The following ZMIZ1 variants were observed in gnomAD, a reference collection of about 807,000 sequenced individuals.
ZMIZ1 encodes the protein zinc finger MIZ-type containing 1.
In ZMIZ1, 17 loss-of-function variants were observed where a neutral mutation model predicts 113.9. The ratio of observed to expected loss-of-function variants is 0.15; its 90% CI spans 0.10 to 0.22. The LOEUF (loss-of-function observed/expected upper bound fraction) is 0.22. Ranked by LOEUF, ZMIZ1 falls within the 10% of genes least tolerant of loss-of-function variation. The pLI is 1.00. For missense variants in ZMIZ1, 1,059 were observed against 1,477.8 expected (o/e 0.72, Z 4.65); for synonymous variants, 607 against 603.1 (o/e 1.01, Z -0.09).
At chr10:79,072,499 T>A (rs1316904093) in intron 1 of ZMIZ1, among the ~76,000 whole-genome samples, 2 of 152,232 alleles carry the variant, frequency 1.3e-5, no homozygotes, top group East Asian at 3.9e-4. Flanking sequence ...TGAGGCCTGC[T>A]GCATCCTGAG....
Position 79,296,223 on chromosome 10 carries a change from A to C in ZMIZ1, c.1231-248A>C. ...CAAGAGGCTCTGAAAGTGTCCCTGG[A>C]GTTCAGGGGCACATGTGCTCCAGGA... On this transcript the variant is annotated intron_variant, in intron 12 of 24. Transcript: ENST00000334512. This position sits in a 1 kb window ranked among gnomAD's most constrained non-coding sequence, Gnocchi z 4.1. 1 of 564,280 alleles carries C rather than the reference A, an allele frequency of 1.8e-6. No individual in the cohort carries two copies. Among genetic ancestry groups the C allele is most frequent in the Non-Finnish European group, 3.2e-6 (1 of 315,322 alleles). 35.0% of individuals were successfully genotyped at this position (564,280 alleles called of 1,614,324 possible).
In ZMIZ1 at chr10:79,311,189, G is replaced by A; in HGVS notation, c.3096+5G>A. On this transcript the variant is annotated splice_donor_5th_base_variant and intron_variant, in intron 24 of 24. Transcript: ENST00000334512. Reference sequence around the variant, plus strand: ...ATGCCGGAGCCTTCGCTGGATGTAAGTTGGGGTCGCCACTCGCCTTGGCCT... The same window carrying A: ...ATGCCGGAGCCTTCGCTGGATGTAAATTGGGGTCGCCACTCGCCTTGGCCT... 6.2e-7 allele frequency: 1 copy of A among 1,605,320 alleles called. No individual in the cohort carries two copies. The highest frequency in any genetic ancestry group is 8.5e-7 in the Non-Finnish European group (1 of 1,175,016).
intron 3 of ZMIZ1, among the ~76,000 whole-genome samples, chr10:79,154,582 G>T (rs1845829753): frequency 1.3e-5 from 2 of 152,240 alleles, no homozygotes; most frequent in African/African-American, 4.8e-5. Flanking sequence ...CTTTAAGCAA[G>T]ACCTCGGTCC....
intron 7 of ZMIZ1, among the ~76,000 whole-genome samples, chr10:79,231,854 A>G (rs1291811141): frequency 2.0e-5 from 3 of 152,246 alleles, no homozygotes; most frequent in African/African-American, 7.2e-5. Context: ...CTGGGATTAC[A>G]GGCATGAGCC....
Position 79,285,058 on chromosome 10 carries a change from G to C in ZMIZ1, c.426-4717G>C, listed in dbSNP as rs117423744. 1.0e-2 allele frequency among the ~76,000 whole-genome samples: 1,519 copies of C among 152,272 alleles called. 19 individuals carry two copies. Among genetic ancestry groups the C allele is most frequent in the Non-Finnish European group, 0.017 (1,140 of 68,016 alleles). The stretch of plus-strand genomic sequence containing the variant: ...TTGTGGCTTCTAGGTGGCCTCTGCA[G>C]TGTGCTCCCTTGCCTCGTGGCCATC... On this transcript the variant is annotated intron_variant, in intron 8 of 24. Coordinates refer to ENST00000334512, the MANE Select transcript of ZMIZ1 (RefSeq NM_020338.4).
intron 3 of ZMIZ1, among the ~76,000 whole-genome samples, chr10:79,146,905 A>T (rs1165334862): frequency 1.3e-5 from 2 of 151,858 alleles, no homozygotes; most frequent in East Asian, 3.9e-4. Context: ...GGGCCACATG[A>T]CTACCTGACC....
intron 2 of ZMIZ1, among the ~76,000 whole-genome samples, chr10:79,135,780 A>C (rs1469344360): frequency 6.6e-6 from 1 of 152,090 alleles, no homozygotes; most frequent in African/African-American, 2.4e-5. Flanking sequence ...CCTCTATAAG[A>C]TGGGGACAGT....
Position 79,165,948 on chromosome 10 carries a change from CTGTGTG to C in ZMIZ1, c.-50+3864_-50+3869del, listed in dbSNP as rs1174980856. Reference sequence around the variant, plus strand: ...CCTTGGCCTCCAAGCCCCAGCTCAGCTGTGTGTGTGTGTGTGTGTGTGTGTGTGTGT... The same window carrying C: ...CCTTGGCCTCCAAGCCCCAGCTCAGCTGTGTGTGTGTGTGTGTGTGTGTGT... On this transcript the variant is annotated intron_variant, in intron 4 of 24. Coordinates refer to ENST00000334512, the MANE Select transcript of ZMIZ1 (RefSeq NM_020338.4). 6.0e-3 allele frequency among the ~76,000 whole-genome samples: 356 copies of C among 59,810 alleles called. 2 individuals carry two copies. The highest frequency in any genetic ancestry group is 0.016 in the South Asian group (34 of 2,192). The allele number at this position is 59,810 out of a possible 152,430, so 39.2% of individuals were successfully genotyped here. A position where few individuals can be genotyped will look rare whatever the true frequency, so the allele number is the denominator to read the frequency against.
chr10:79,168,124 C>A (rs1024589620), intron 4 of ZMIZ1, among the ~76,000 whole-genome samples: 1 of 152,238 alleles, frequency 6.6e-6, no homozygotes, highest in East Asian at 1.9e-4. Context: ...TGCAAGCCCC[C>A]TTCAGCTGCA....
intron 8 of ZMIZ1, among the ~76,000 whole-genome samples, chr10:79,284,298 A>G (rs1852921900): frequency 6.6e-6 from 1 of 152,242 alleles, no homozygotes; most frequent in Non-Finnish European, 1.5e-5. Flanking sequence ...GGAACAGAGG[A>G]AAGTGTCCTT....
chr10:79,293,182 C>T (rs376368655), intron 11 of ZMIZ1, among the ~76,000 whole-genome samples, 199 bp from the exon 12 acceptor site: 10 of 124,822 alleles, frequency 8.0e-5, no homozygotes, highest in Non-Finnish European at 1.1e-4. Flanking sequence ...CTCTCCTGTG[C>T]GGCTGCAGAG....
chr10:79,245,170 C>T (rs576207251), intron 7 of ZMIZ1, among the ~76,000 whole-genome samples: 1 of 152,354 alleles, frequency 6.6e-6, no homozygotes, highest in South Asian at 2.1e-4. Context: ...AAGGCTGCCT[C>T]CACTGCCCTG....
intron 2 of ZMIZ1, among the ~76,000 whole-genome samples, chr10:79,133,319 T>C (rs1844854603): frequency 6.6e-6 from 1 of 152,210 alleles, no homozygotes. Context: ...TCTCACAGCA[T>C]TGGGTGCTCT....
At chr10:79,289,625 G>A (rs1853328246) in intron 8 of ZMIZ1, 150 bp from the exon 9 acceptor site, 8 of 658,428 alleles carry the variant, frequency 1.2e-5, no homozygotes, top group Non-Finnish European at 2.1e-5. Flanking sequence ...ACTGGGCACT[G>A]AGACAGGCCT....
chr10:79,119,597 T>G (rs1391574084), intron 2 of ZMIZ1, among the ~76,000 whole-genome samples: 3 of 152,236 alleles, frequency 2.0e-5, no homozygotes, highest in African/African-American at 7.2e-5. Context: ...GCTGGCCTAC[T>G]CTGCCTCTGG....
At chr10:79,211,733 C>T (rs964583848) in intron 6 of ZMIZ1, among the ~76,000 whole-genome samples, 1 of 152,222 alleles carries the variant, frequency 6.6e-6, no homozygotes, top group African/African-American at 2.4e-5. Flanking sequence ...GCCCCAGGGG[C>T]CGGCACAAGC....
intron 20 of ZMIZ1, 64 bp downstream of exon 20, chr10:79,305,295 C>G: frequency 6.4e-7 from 1 of 1,551,080 alleles, no homozygotes; most frequent in Non-Finnish European, 8.9e-7. Context: ...GAGGGGCCAG[C>G]TACCTCCCAC....
intron 18 of ZMIZ1, among the ~76,000 whole-genome samples, chr10:79,303,002 C>T (rs1854431001): frequency 6.6e-6 from 1 of 151,852 alleles, no homozygotes; most frequent in African/African-American, 2.4e-5. Flanking sequence ...GCTGGGACTA[C>T]AGGCGCCCAC....
chr10:79,174,576 C>T (rs891998059), intron 4 of ZMIZ1, among the ~76,000 whole-genome samples: 1 of 152,190 alleles, frequency 6.6e-6, no homozygotes, highest in Admixed American at 6.5e-5. Context: ...GCTCTGCTCC[C>T]CTGGGTGCTG....
Sources: allele counts gnomAD v4.1 joint callset (sites outside exome capture counted in the v4.1 genomes callset), GRCh38; gene constraint gnomAD v4.1.1; non-coding constraint Gnocchi (gnomAD v3.1); transcripts MANE v1.5; gene names NCBI Gene and HGNC (gene_info 2026-07-23, HGNC 2026-07-21).